The following TNFAIP8 variants were observed in gnomAD, a reference collection of about 807,000 sequenced individuals.
The protein encoded by TNFAIP8 is tumor necrosis factor alpha-induced protein 8.
In TNFAIP8, 7 loss-of-function variants were observed where a neutral mutation model predicts 13.3. The ratio of observed to expected loss-of-function variants is 0.52; its 90% CI spans 0.30 to 0.99. TNFAIP8 has a LOEUF of 0.99. Ranked by LOEUF, TNFAIP8 falls within the 50% of genes least tolerant of loss-of-function variation. The pLI, the probability that TNFAIP8 is intolerant of heterozygous loss-of-function variation, is 0.07. For synonymous variants in TNFAIP8, 94 were observed against 87.6 expected, an observed-to-expected ratio of 1.07 and a Z score of -0.41; for missense variants, 258 against 236.9, an observed-to-expected ratio of 1.09 and a Z score of -0.58.
At chr5:119,330,636 C>G (rs1750348059) in intron 1 of TNFAIP8, among the ~76,000 whole-genome samples, 1 of 152,154 alleles carries the variant, frequency 6.6e-6, no homozygotes, top group Non-Finnish European at 1.5e-5. Context: ...TTGCCACCCA[C>G]TTTCGCAGGG....
intron 1 of TNFAIP8, among the ~76,000 whole-genome samples, chr5:119,390,591 GTTC>G (rs1269007048): frequency 1.3e-5 from 2 of 152,046 alleles, no homozygotes; most frequent in Non-Finnish European, 2.9e-5. Context: ...ATATATTTTA[GTTC>G]TTCTGCAGTT....
At chr5:119,291,328 A>T (rs1421180374) in intron 1 of TNFAIP8, among the ~76,000 whole-genome samples, 1 of 152,238 alleles carries the variant, frequency 6.6e-6, no homozygotes. Context: ...GCCAATTGCT[A>T]CATGTGTGTA....
chr5:119,382,006 C>T (rs1197221118), intron 1 of TNFAIP8, among the ~76,000 whole-genome samples: 1 of 152,130 alleles, frequency 6.6e-6, no homozygotes, highest in African/African-American at 2.4e-5. Context: ...TATAATGTTT[C>T]AATTTTTTCT....
chr5:119,298,784 T>G (rs1356141091), intron 1 of TNFAIP8, among the ~76,000 whole-genome samples: 1 of 152,048 alleles, frequency 6.6e-6, no homozygotes, highest in Non-Finnish European at 1.5e-5. Context: ...AGTCCCATAT[T>G]TCTTAGAGGC....
At chr5:119,310,821 CACCA>C (rs1749706653) in intron 1 of TNFAIP8, among the ~76,000 whole-genome samples, 2 of 151,850 alleles carry the variant, frequency 1.3e-5, no homozygotes, top group African/African-American at 4.8e-5. Context: ...ATCGAGACTC[CACCA>C]ATCAATCAAT....
chr5:119,355,126 C>CG (rs1383350549), upstream of TNFAIP8: 11 of 579,178 alleles, frequency 1.9e-5, no homozygotes, highest in Admixed American at 2.9e-5. Context: ...GGGCCAGACC[C>CG]GGGGGCAGAA....
At chr5:119,304,838 G>A (rs1399306134) in intron 1 of TNFAIP8, among the ~76,000 whole-genome samples, 4 of 152,208 alleles carry the variant, frequency 2.6e-5, no homozygotes, top group African/African-American at 9.7e-5. Context: ...AATACAAATT[G>A]ATTGAAGTGA....
rs990035396 is a variant in TNFAIP8, at chr5:119,376,111, TTTC to T, written c.32-16702_32-16700del. Among the ~76,000 whole-genome samples the T allele has an allele frequency of 2.4e-4, 36 of 151,830 alleles. 2 individuals carry two copies. The highest frequency in any genetic ancestry group is 1.7e-3 in the Admixed American group (26 of 15,252). On this transcript the variant is annotated intron_variant, in intron 1 of 1. Coordinates refer to ENST00000504771, the MANE Select transcript of TNFAIP8 (RefSeq NM_014350.4). ...TGAAAAAATATATATAAACTTAAAT[TTTC>T]TTTTTTGTTTTTTTTTTTGAGATGA...
chr5:119,366,168 T>C (rs1283276018), intron 1 of TNFAIP8, among the ~76,000 whole-genome samples: 1 of 151,216 alleles, frequency 6.6e-6, no homozygotes, highest in Non-Finnish European at 1.5e-5. Flanking sequence ...AAAAGTAATA[T>C]GTGCAAAACT....
chr5:119,319,574 G>A (rs111238341), intron 1 of TNFAIP8, among the ~76,000 whole-genome samples: 3 of 152,126 alleles, frequency 2.0e-5, no homozygotes, highest in Non-Finnish European at 4.4e-5. Flanking sequence ...TAGAATTGGG[G>A]AACAAGATGG....
At chr5:119,365,706 A>C (rs1751824484) in intron 1 of TNFAIP8, among the ~76,000 whole-genome samples, 2 of 152,244 alleles carry the variant, frequency 1.3e-5, no homozygotes, top group African/African-American at 4.8e-5. Flanking sequence ...AGCACTTACA[A>C]AACCATTTTC....
intron 1 of TNFAIP8, among the ~76,000 whole-genome samples, chr5:119,308,091 G>A (rs1459214885): frequency 1.3e-5 from 2 of 152,168 alleles, no homozygotes; most frequent in African/African-American, 4.8e-5. Context: ...CAAACTTCTT[G>A]TGGTGCAACA....
chr5:119,292,651 T>C (rs1398453647), intron 1 of TNFAIP8, among the ~76,000 whole-genome samples: 2 of 22,490 alleles, frequency 8.9e-5, no homozygotes, highest in African/African-American at 3.7e-4. Context: ...GTAGCATATA[T>C]ATATATATAT....
intron 1 of TNFAIP8, among the ~76,000 whole-genome samples, chr5:119,273,286 A>G (rs1028296936): frequency 2.0e-5 from 3 of 152,232 alleles, no homozygotes. Flanking sequence ...GGACTTAGTT[A>G]GATTGGCCAA....
chr5:119,372,491 T>C (rs762417681), intron 1 of TNFAIP8, among the ~76,000 whole-genome samples: 1 of 152,212 alleles, frequency 6.6e-6, no homozygotes, highest in African/African-American at 2.4e-5. Flanking sequence ...AACAAAGATA[T>C]GACCGTAAAC....
At chr5:119,270,239 T>C (rs1401711241) in intron 1 of TNFAIP8, among the ~76,000 whole-genome samples, 2 of 152,272 alleles carry the variant, frequency 1.3e-5, no homozygotes, top group South Asian at 2.1e-4. Flanking sequence ...TATCCTGGTT[T>C]GAATCCTGTA....
In TNFAIP8 at chr5:119,277,750, G is replaced by C. The variant is rs551632930; in HGVS notation, c.1+8843G>C. Among the ~76,000 whole-genome samples the C allele has an allele frequency of 5.3e-5, 8 of 152,296 alleles. No individual in the cohort carries two copies. The East Asian group carries it at 1.5e-3, about 29-fold the overall frequency. The stretch of plus-strand genomic sequence containing the variant: ...AAAGAACAGAAATTTATTTTCCACA[G>C]TTCTGGGGGCTGGGAATTCAAGATC... On this transcript the variant is annotated intron_variant, in intron 1 of 1. Coordinates refer to the TNFAIP8 transcript ENST00000274456.
intron 1 of TNFAIP8, among the ~76,000 whole-genome samples, chr5:119,304,815 C>T (rs766463411): frequency 6.6e-6 from 1 of 152,188 alleles, no homozygotes; most frequent in Non-Finnish European, 1.5e-5. Context: ...AGCAAATCAG[C>T]ATATTTCTGT....
intron 1 of TNFAIP8, among the ~76,000 whole-genome samples, chr5:119,299,590 G>A (rs1201055066): frequency 2.6e-5 from 4 of 152,196 alleles, no homozygotes; most frequent in Non-Finnish European, 5.9e-5. Context: ...CAGTCTGTCC[G>A]TTCTCAGATC....
Sources: allele counts gnomAD v4.1 joint callset (sites outside exome capture counted in the v4.1 genomes callset), GRCh38; gene constraint gnomAD v4.1.1; transcripts MANE v1.5; gene names NCBI Gene and HGNC (gene_info 2026-07-23, HGNC 2026-07-21).